The following RHOA variants were observed in gnomAD, a reference collection of about 807,000 sequenced individuals.
RHOA encodes ras homolog family member A.
Under a neutral mutation model 17.5 loss-of-function variants are expected in RHOA, and 3 were observed. That is an observed-to-expected ratio of 0.17 (90% CI 0.08 to 0.44). RHOA has a LOEUF of 0.44. Among genes scored for constraint, RHOA ranks in the 20% least tolerant of loss-of-function variants. The pLI is 0.99. For missense variants in RHOA, 56 were observed against 242.3 expected, an observed-to-expected ratio of 0.23 and a Z score of 5.10; for synonymous variants, 98 against 88.4, an observed-to-expected ratio of 1.11 and a Z score of -0.61.
At chr3:49,398,377 G>A (rs981272094) in intron 1 of RHOA, among the ~76,000 whole-genome samples, 7 of 151,906 alleles carry the variant, frequency 4.6e-5, no homozygotes, top group East Asian at 1.9e-4. Context: ...ATCTAAACCA[G>A]GGCTGAGATT....
Position 49,375,419 on chromosome 3 carries a change from G to A in RHOA, c.156+15C>T. 1 of 1,595,972 alleles carries A rather than the reference G, an allele frequency of 6.3e-7. No individual in the cohort carries two copies. Among genetic ancestry groups the A allele is most frequent in the Non-Finnish European group, 8.5e-7 (1 of 1,172,424 alleles). On this transcript the variant is annotated intron_variant, in intron 2 of 4. Coordinates refer to ENST00000418115, the MANE Select transcript of RHOA (RefSeq NM_001664.4). ...CATGGAAAATGGCATCAGTTGTTAT[G>A]AAAAGTATACTCACCTGCTTTCCAT...
chr3:49,361,887 A>G (rs527321664), intron 4 of RHOA, among the ~76,000 whole-genome samples: 1 of 149,542 alleles, frequency 6.7e-6, no homozygotes, highest in African/African-American at 2.5e-5. Context: ...CAAAAAATAA[A>G]AATAAAGAGT....
intron 4 of RHOA, among the ~76,000 whole-genome samples, chr3:49,361,998 G>C (rs1221095355): frequency 6.6e-6 from 1 of 151,884 alleles, no homozygotes; most frequent in Non-Finnish European, 1.5e-5. Flanking sequence ...GACCAGCCTG[G>C]CCAACAGGGT....
intron 1 of RHOA, among the ~76,000 whole-genome samples, chr3:49,391,605 G>A (rs545266993): frequency 1.1e-4 from 16 of 151,860 alleles, no homozygotes; most frequent in South Asian, 2.1e-4. Flanking sequence ...GTGCAATGGC[G>A]CGATCTCAAC....
intron 1 of RHOA, among the ~76,000 whole-genome samples, chr3:49,411,438 C>A (rs532849505): frequency 1.3e-5 from 2 of 152,372 alleles, no homozygotes; most frequent in East Asian, 3.9e-4. Context: ...CCGACAGCCA[C>A]GCGCGCTTTC....
At chr3:49,369,441 A>G (rs1317151278) in intron 2 of RHOA, among the ~76,000 whole-genome samples, 1 of 151,990 alleles carries the variant, frequency 6.6e-6, no homozygotes, top group Non-Finnish European at 1.5e-5. Flanking sequence ...CTTAAAAATT[A>G]GCTGAGTGTG....
intron 1 of RHOA, among the ~76,000 whole-genome samples, chr3:49,405,423 C>T (rs1196392623): frequency 1.3e-5 from 2 of 152,044 alleles, no homozygotes; most frequent in East Asian, 3.9e-4. Context: ...AAGAGCAAAA[C>T]TCCATCTCAA....
At chr3:49,381,507 G>A (rs1167907718) in intron 1 of RHOA, among the ~76,000 whole-genome samples, 4 of 151,692 alleles carry the variant, frequency 2.6e-5, no homozygotes, top group Non-Finnish European at 2.9e-5. Flanking sequence ...TTAGGCAGGC[G>A]GAGGTTGCAG....
chr3:49,404,414 A>G (rs9757181), intron 1 of RHOA, among the ~76,000 whole-genome samples: 84,830 of 115,750 alleles, frequency 0.73, 31,120 homozygotes, highest in East Asian at 0.99. Flanking sequence ...CCAACAAAGT[A>G]AAACCCCGTC....
chr3:49,400,270 C>G (rs1277850376), intron 1 of RHOA, among the ~76,000 whole-genome samples: 1 of 151,072 alleles, frequency 6.6e-6, no homozygotes, highest in Admixed American at 6.6e-5. Context: ...CCCTCTCCCC[C>G]AACATCTTCC....
intron 2 of RHOA, 121 bp downstream of exon 2, chr3:49,375,313 C>A: frequency 1.1e-6 from 1 of 920,630 alleles, no homozygotes; most frequent in Non-Finnish European, 1.6e-6. Flanking sequence ...AGAATGGATT[C>A]TTCTTTCCAA....
chr3:49,383,934 G>A (rs1024869036), intron 1 of RHOA, among the ~76,000 whole-genome samples: 1 of 152,150 alleles, frequency 6.6e-6, no homozygotes, highest in African/African-American at 2.4e-5. Flanking sequence ...GAAGGCTGAG[G>A]CACGAGAATC....
At position 49,374,709 on chromosome 3, in the gene RHOA, G is replaced by GAA. The variant is rs1176592623; in HGVS notation, c.156+724_156+725insTT. 5.3e-5 allele frequency among the ~76,000 whole-genome samples: 8 copies of GAA among 151,884 alleles called. No homozygotes were observed. In the East Asian group the frequency reaches 1.5e-3, roughly 29 times the overall value. ...TGCACTCCAGCCTGGGCGACAGAGC[G>GAA]AGACTCTGTCTCAAACAACAAAACA... is the stretch of plus-strand genomic sequence containing the variant. On this transcript the variant is annotated intron_variant, in intron 2 of 4. Transcript: ENST00000418115.
chr3:49,407,725 G>A (rs977870495), intron 1 of RHOA, among the ~76,000 whole-genome samples: 4 of 151,778 alleles, frequency 2.6e-5, no homozygotes, highest in African/African-American at 9.7e-5. Flanking sequence ...ATGTCCTAAA[G>A]GCCCTATATG....
intron 3 of RHOA, among the ~76,000 whole-genome samples, chr3:49,364,788 A>G (rs1224337888): frequency 6.6e-6 from 1 of 151,648 alleles, no homozygotes; most frequent in African/African-American, 2.4e-5. Flanking sequence ...TCTGGCCAAC[A>G]TGTTGAAACC....
intron 1 of RHOA, among the ~76,000 whole-genome samples, chr3:49,391,969 AGGC>A (rs879717972): frequency 7.3e-4 from 110 of 151,364 alleles, no homozygotes; most frequent in Middle Eastern, 3.4e-3. Flanking sequence ...CTGGGATTAT[AGGC>A]ATCCACCACT....
chr3:49,369,530 C>T (rs1374829305), intron 2 of RHOA, among the ~76,000 whole-genome samples: 1 of 149,762 alleles, frequency 6.7e-6, no homozygotes, highest in East Asian at 2.0e-4. Context: ...CTCAGGAGTT[C>T]GAGACCAGCC....
Position 49,359,911 on chromosome 3 carries a change from T to G in RHOA, c.*298A>C, listed in dbSNP as rs2047932217. On this transcript the variant is annotated 3_prime_UTR_variant, in exon 5 of 5. Transcript: ENST00000418115. ...AGCCTAATTCACAAAAGTTACCAACTGTTTCTCTTTCTAGAAAGAAGCAAG... is the reference window on the plus strand; with the variant it reads ...AGCCTAATTCACAAAAGTTACCAACGGTTTCTCTTTCTAGAAAGAAGCAAG... 5.7e-6 allele frequency: 2 copies of G among 351,070 alleles called. No individual in the cohort carries two copies. The highest frequency in any genetic ancestry group is 1.0e-5 in the Non-Finnish European group (2 of 192,540). 21.7% of individuals were successfully genotyped at this position (351,070 alleles called of 1,614,324 possible).
At chr3:49,396,591 C>T (rs920390960) in intron 1 of RHOA, among the ~76,000 whole-genome samples, 1 of 151,986 alleles carries the variant, frequency 6.6e-6, no homozygotes, top group African/African-American at 2.4e-5. Flanking sequence ...TCTGTAATCC[C>T]AGCTACTCGG....
Sources: allele counts gnomAD v4.1 joint callset (sites outside exome capture counted in the v4.1 genomes callset), GRCh38; gene constraint gnomAD v4.1.1; transcripts MANE v1.5; gene names NCBI Gene and HGNC (gene_info 2026-07-23, HGNC 2026-07-21).